Variants in ZSCAN5B observed in about 807,000 individuals in gnomAD.
The protein encoded by ZSCAN5B is zinc finger and SCAN domain-containing protein 5B.
ZSCAN5B carries 26 observed loss-of-function variants against 25.2 expected under a neutral mutation model. The observed-to-expected ratio is 1.03, with a 90% CI of 0.76 to 1.43. ZSCAN5B has a LOEUF of 1.43. ZSCAN5B is among the 40% of genes most tolerant of loss of function. The pLI is 0.00. For synonymous variants in ZSCAN5B, 244 were observed against 240.9 expected (o/e 1.01, Z -0.12); for missense variants, 745 against 622.1 (o/e 1.20, Z -2.10).
At chr19:56,196,201 G>A (rs2032807523) in intron 1 of ZSCAN5B, among the ~76,000 whole-genome samples, 1 of 152,032 alleles carries the variant, frequency 6.6e-6, no homozygotes, top group African/African-American at 2.4e-5. Flanking sequence ...ATAGGCGTGA[G>A]CCACCCCTCT....
intron 1 of ZSCAN5B, 34 bp from the exon 2 acceptor site, chr19:56,193,213 A>C: frequency 1.2e-6 from 1 of 838,360 alleles, no homozygotes; most frequent in Non-Finnish European, 1.8e-6. Flanking sequence ...GATTATTTTA[A>C]CTTTCTACTC....
chr19:56,191,041 G>C (rs1568584378), intron 3 of ZSCAN5B, 54 bp from the exon 4 acceptor site: 1 of 1,611,556 alleles, frequency 6.2e-7, no homozygotes, highest in Non-Finnish European at 8.5e-7. Context: ...GGTGGAAGTA[G>C]GGACATGTCT....
chr19:56,195,511 G>T (rs1030939666), intron 1 of ZSCAN5B, among the ~76,000 whole-genome samples: 5 of 151,688 alleles, frequency 3.3e-5, no homozygotes, highest in Admixed American at 2.0e-4. Flanking sequence ...GGGGGAAAGG[G>T]GTCCTCTGCG....
chr19:56,194,359 G>A (rs1052667150), intron 1 of ZSCAN5B, among the ~76,000 whole-genome samples: 2 of 152,060 alleles, frequency 1.3e-5, no homozygotes, highest in African/African-American at 2.4e-5. Context: ...GAAATTTGCA[G>A]TCATGGTTCC....
chr19:56,192,074 A>G (rs776999973), intron 2 of ZSCAN5B, 21 bp from the exon 3 acceptor site: 8 of 1,592,886 alleles, frequency 5.0e-6, no homozygotes, highest in Non-Finnish European at 6.8e-6. Flanking sequence ...AAAAAAGACA[A>G]TCAGACACTA....
At chr19:56,192,743 C>T (rs1184805837) in exon 2 of ZSCAN5B, 1 of 1,604,028 alleles carries the variant, frequency 6.2e-7, no homozygotes, top group Non-Finnish European at 8.5e-7. Context: ...TTCACCTTGA[C>T]TAAGACCTGG....
intron 1 of ZSCAN5B, among the ~76,000 whole-genome samples, chr19:56,196,250 C>T (rs1288980085): frequency 1.3e-5 from 2 of 152,056 alleles, no homozygotes; most frequent in Admixed American, 1.3e-4. Context: ...TGGGGTCTCG[C>T]CATGTAGGCC....
intron 1 of ZSCAN5B, among the ~76,000 whole-genome samples, chr19:56,195,113 G>T (rs974381139): frequency 1.3e-5 from 2 of 152,222 alleles, no homozygotes; most frequent in Non-Finnish European, 2.9e-5. Flanking sequence ...GTCACTGGAA[G>T]CCTGGAGGGC....
intron 1 of ZSCAN5B, among the ~76,000 whole-genome samples, chr19:56,195,030 T>C (rs994336568): frequency 2.0e-5 from 3 of 152,168 alleles, no homozygotes; most frequent in Admixed American, 1.3e-4. Flanking sequence ...CCTGCTTTCC[T>C]AGACACAGGT....
At chr19:56,191,865 T>C (rs1337147866) in exon 3 of ZSCAN5B, 1 of 1,613,888 alleles carries the variant, frequency 6.2e-7, no homozygotes, top group Non-Finnish European at 8.5e-7. Context: ...TCCTGGACAG[T>C]GCAGCGACCC....
intron 3 of ZSCAN5B, 85 bp from the exon 4 acceptor site, chr19:56,191,072 A>C: frequency 6.3e-7 from 1 of 1,582,148 alleles, no homozygotes; most frequent in Non-Finnish European, 8.6e-7. Context: ...GACTGGACAC[A>C]CCAGACTTCC....
chr19:56,190,629 C>T, intron 4 of ZSCAN5B, 54 bp from the exon 5 acceptor site: 1 of 1,585,436 alleles, frequency 6.3e-7, no homozygotes, highest in East Asian at 2.2e-5. Flanking sequence ...ATTTTCAATA[C>T]ACCAAACTCA....
chr19:56,190,111 G>A lies in ZSCAN5B; in HGVS notation c.1204C>T (p.Gln402Ter). The change falls in exon 5 of 5, where the codon CAG (glutamine) becomes TAG (stop). Residue 402 changes from glutamine (Q) to a stop codon, truncating the protein, a stop_gained. Transcript: ENST00000586855. LOFTEE classifies it low-confidence loss of function (END_TRUNC). ...GGCCTCTCGCCAGTGTGGACTCGCT[G>A]GTGAACTCGGAGGTCTGAGGGCTGC... 2 of 1,613,994 alleles carry A rather than the reference G, an allele frequency of 1.2e-6. No homozygotes were observed. The highest frequency in any genetic ancestry group is 1.7e-6 in the Non-Finnish European group (2 of 1,179,916).
chr19:56,191,984 C>G (rs201505305), exon 3 of ZSCAN5B: 15 of 1,613,864 alleles, frequency 9.3e-6, no homozygotes, highest in Admixed American at 6.7e-5. Context: ...CTGACACTGG[C>G]GGGGGCTTCA....
At chr19:56,190,170 G>A (rs753726468) in exon 5 of ZSCAN5B, 1 of 1,614,008 alleles carries the variant, frequency 6.2e-7, no homozygotes, top group South Asian at 1.1e-5. Context: ...ACATTGAAAG[G>A]GTCTGTCTCC....
intron 1 of ZSCAN5B, among the ~76,000 whole-genome samples, chr19:56,196,928 C>G (rs749301628): frequency 3.3e-5 from 5 of 152,024 alleles, no homozygotes; most frequent in Non-Finnish European, 1.5e-5. Flanking sequence ...TTGCTTGAGC[C>G]GAGGAGTTCG....
At chr19:56,197,306 G>A (rs1297746471) in intron 1 of ZSCAN5B, among the ~76,000 whole-genome samples, 1 of 151,370 alleles carries the variant, frequency 6.6e-6, no homozygotes, top group Non-Finnish European at 1.5e-5. Context: ...CCGAATAGCG[G>A]GTATTACCCT....
At chr19:56,190,387 C>T in exon 5 of ZSCAN5B, 1 of 1,614,092 alleles carries the variant, frequency 6.2e-7, no homozygotes, top group East Asian at 2.2e-5. Flanking sequence ...CCTTGAGGCT[C>T]TTCTTGGGAA....
At chr19:56,190,322 T>G in exon 5 of ZSCAN5B, 2 of 1,614,146 alleles carry the variant, frequency 1.2e-6, no homozygotes, top group Non-Finnish European at 1.7e-6. Context: ...GGGAATGAAC[T>G]GGATTGATCT....
Sources: gnomAD v4.1 joint callset for allele counts (sites outside exome capture counted in the v4.1 genomes callset) on GRCh38, gnomAD v4.1.1 for gene constraint, MANE v1.5 for transcripts, NCBI Gene and HGNC (gene_info 2026-07-23, HGNC 2026-07-21) for gene names.